GRM7: variants seen among roughly 807,000 people sequenced by gnomAD.
GRM7 encodes glutamate metabotropic receptor 7, also known as metabotropic glutamate receptor 7.
In GRM7, 35 loss-of-function variants were observed where a neutral mutation model predicts 84.5. The ratio of observed to expected loss-of-function variants is 0.41; its 90% CI spans 0.32 to 0.55. The LOEUF (loss-of-function observed/expected upper bound fraction) is 0.55. Among genes scored for constraint, GRM7 ranks in the 20% least tolerant of loss-of-function variants. The pLI, the probability that GRM7 is intolerant of heterozygous loss-of-function variation, is 0.19. For synonymous variants in GRM7, 487 were observed against 455.1 expected (o/e 1.07, Z -0.89); for missense variants, 1,003 against 1,194.6 (o/e 0.84, Z 2.36).
At chr3:7,403,121 T>C (rs1275865002) in intron 4 of GRM7, 7 of 443,388 alleles carry the variant, frequency 1.6e-5, no homozygotes, top group African/African-American at 1.4e-4. Context: ...GCTTCTACAA[T>C]GCACAATAAT....
intron 2 of GRM7, among the ~76,000 whole-genome samples, chr3:7,247,618 AAAG>A (rs1458797444): frequency 1.0e-4 from 15 of 149,828 alleles, no homozygotes; most frequent in East Asian, 1.9e-4. Flanking sequence ...AAAAAAAAAA[AAAG>A]AAGAAGAAAG....
At chr3:7,575,562 G>T (rs1207323875) in intron 7 of GRM7, among the ~76,000 whole-genome samples, 1 of 151,772 alleles carries the variant, frequency 6.6e-6, no homozygotes, top group Non-Finnish European at 1.5e-5. Flanking sequence ...TGTGTGGGTG[G>T]GTATAGATAT....
chr3:7,609,998 A>G (rs983828363), intron 8 of GRM7, among the ~76,000 whole-genome samples: 9 of 152,176 alleles, frequency 5.9e-5, no homozygotes, highest in African/African-American at 1.7e-4. Context: ...ACGTGGTTTT[A>G]CTTAAACAGA....
intron 8 of GRM7, among the ~76,000 whole-genome samples, chr3:7,602,368 C>T (rs1019918142): frequency 6.6e-6 from 1 of 152,124 alleles, no homozygotes. Context: ...TAACACAGCT[C>T]TTTTCTGTTT....
At chr3:7,135,113 A>C (rs530876663) in intron 1 of GRM7, among the ~76,000 whole-genome samples, 23 of 152,212 alleles carry the variant, frequency 1.5e-4, no homozygotes, top group Non-Finnish European at 2.9e-4. Flanking sequence ...TCCAGATTTT[A>C]AGCTAATTCA....
chr3:7,415,931 G>A (rs1489196159), intron 5 of GRM7, among the ~76,000 whole-genome samples: 1 of 152,256 alleles, frequency 6.6e-6, no homozygotes. Context: ...AACTAAGGAA[G>A]TTTACTAATG....
rs531366546 is a variant in GRM7 at position 7,714,735 on chromosome 3, G to T, written c.2699-25622G>T. On this transcript the variant is annotated intron_variant, in intron 9 of 9. Transcript: ENST00000357716. ...CCACCAGCACGTAATTTCCTCTGTGGATAAATCCTCTATCCAAGAACAGTT... is the reference window on the plus strand; with the variant it reads ...CCACCAGCACGTAATTTCCTCTGTGTATAAATCCTCTATCCAAGAACAGTT... Among the ~76,000 whole-genome samples, 6 of 152,276 alleles carry T rather than the reference G, an allele frequency of 3.9e-5. No individual in the cohort carries two copies. In the East Asian group the frequency reaches 9.7e-4, roughly 25 times the overall value.
intron 7 of GRM7, among the ~76,000 whole-genome samples, chr3:7,479,545 G>T (rs997879473): frequency 6.6e-6 from 1 of 152,152 alleles, no homozygotes; most frequent in Non-Finnish European, 1.5e-5. Flanking sequence ...CCTGCTTGAT[G>T]TCTAACCTAT....
chr3:6,950,745 C>T lies in GRM7; in HGVS notation c.519+88838C>T, dbSNP rs1256320541. 2.0e-5 allele frequency among the ~76,000 whole-genome samples: 3 copies of T among 152,186 alleles called. No individual in the cohort carries two copies. The South Asian group carries it at 6.2e-4, about 31-fold the overall frequency. On this transcript the variant is annotated intron_variant, in intron 1 of 9. Transcript: ENST00000357716. ...GGCCGCTTTGTTTACCTACTCAAGC[C>T]TGAGCAATGGCAGGCGCCCCTCCCC...
At position 7,179,049 on chromosome 3, in the gene GRM7, T is replaced by G. The variant is rs147065242; in HGVS notation, c.736+32381T>G. ...TGAGCCTGGGAGGTGGAAGTTGCAG[T>G]GAGCGGAGATTGTGCCACTGCACTC... On this transcript the variant is annotated intron_variant, in intron 2 of 9. Transcript: ENST00000357716. Among the ~76,000 whole-genome samples the G allele has an allele frequency of 4.2e-3, 637 of 152,252 alleles. 4 individuals carry two copies. The highest frequency in any genetic ancestry group is 0.015 in the African/African-American group (605 of 41,552).
chr3:7,630,825 CA>C (rs1697830708), intron 8 of GRM7, among the ~76,000 whole-genome samples: 1 of 152,202 alleles, frequency 6.6e-6, no homozygotes, highest in Admixed American at 6.5e-5. Context: ...AGTCAGCATT[CA>C]GAGGAATTTG....
At chr3:7,375,924 C>T (rs1489447449) in intron 4 of GRM7, among the ~76,000 whole-genome samples, 3 of 152,054 alleles carry the variant, frequency 2.0e-5, no homozygotes, top group Non-Finnish European at 4.4e-5. Context: ...CTTATATCTG[C>T]GTTCCCTACT....
chr3:7,091,909 G>A (rs1270400505), intron 1 of GRM7, among the ~76,000 whole-genome samples: 1 of 151,462 alleles, frequency 6.6e-6, no homozygotes, highest in Non-Finnish European at 1.5e-5. Flanking sequence ...TGATCACACT[G>A]TAAGGAATCA....
At chr3:7,492,048 C>A (rs1391903687) in intron 7 of GRM7, among the ~76,000 whole-genome samples, 2 of 152,144 alleles carry the variant, frequency 1.3e-5, no homozygotes, top group African/African-American at 4.8e-5. Context: ...CCTTGCATAC[C>A]TAGAAGGAAT....
Position 7,494,762 on chromosome 3 carries a change from T to C in GRM7, c.1515+33040T>C, listed in dbSNP as rs558299858. ...GCCAATATTTTTATTGTTATCATTG[T>C]AATTTTAAGCAATATTGTTTTCACT... is the stretch of plus-strand genomic sequence containing the variant. On this transcript the variant is annotated intron_variant, in intron 7 of 9. Transcript: ENST00000357716. Among the ~76,000 whole-genome samples, 3 of 152,340 alleles carry C rather than the reference T, an allele frequency of 2.0e-5. No homozygotes were observed. The East Asian group carries it at 5.8e-4, about 29-fold the overall frequency.
chr3:7,383,962 T>C (rs937437929), intron 4 of GRM7, among the ~76,000 whole-genome samples: 4 of 152,232 alleles, frequency 2.6e-5, no homozygotes, highest in African/African-American at 9.6e-5. Context: ...CTAAGTCATC[T>C]GGACCCTACT....
chr3:6,873,632 T>C (rs1695204068), intron 1 of GRM7, among the ~76,000 whole-genome samples: 1 of 152,234 alleles, frequency 6.6e-6, no homozygotes, highest in African/African-American at 2.4e-5. Flanking sequence ...AGGTCTATTA[T>C]TTATTATTAA....
At chr3:7,237,729 G>A (rs1477424582) in intron 2 of GRM7, among the ~76,000 whole-genome samples, 2 of 152,154 alleles carry the variant, frequency 1.3e-5, no homozygotes, top group Non-Finnish European at 2.9e-5. Context: ...CCACAGCGTG[G>A]AAGTGGACCC....
intron 4 of GRM7, among the ~76,000 whole-genome samples, chr3:7,312,873 G>T (rs901795672): frequency 6.3e-4 from 95 of 151,862 alleles, no homozygotes; most frequent in African/African-American, 2.2e-3. Context: ...GCCAAACCAG[G>T]GTATGCAGTG....
Sources: allele counts gnomAD v4.1 joint callset (sites outside exome capture counted in the v4.1 genomes callset), GRCh38; gene constraint gnomAD v4.1.1; transcripts MANE v1.5; gene names NCBI Gene and HGNC (gene_info 2026-07-23, HGNC 2026-07-21).